SLC39A14: variants seen among roughly 807,000 people sequenced by gnomAD.
The protein encoded by SLC39A14 is metal cation symporter ZIP14.
Under a neutral mutation model 45.5 loss-of-function variants are expected in SLC39A14, and 19 were observed. The observed-to-expected ratio is 0.42, with a 90% confidence interval of 0.29 to 0.61. The LOEUF (loss-of-function observed/expected upper bound fraction) is 0.61, where lower values mean the gene tolerates loss of function less well. Ranked by LOEUF, SLC39A14 falls within the 20% of genes least tolerant of loss-of-function variation. The pLI is 0.22. For synonymous variants in SLC39A14, 264 were observed against 251.3 expected, an observed-to-expected ratio of 1.05 and a Z score of -0.48; for missense variants, 447 against 616.5, an observed-to-expected ratio of 0.73 and a Z score of 2.91.
Position 22,422,018 on chromosome 8 carries a change from C to A in SLC39A14, c.*2320C>A. On this transcript the variant is annotated 3_prime_UTR_variant, in exon 9 of 9. Coordinates refer to ENST00000381237, the MANE Select transcript of SLC39A14 (RefSeq NM_001128431.4). ...GACGCTCACATCGTCTGACTTGAGTCGCCACTGATTGTGGCAACAGCTTTG... is the reference window on the plus strand; with the variant it reads ...GACGCTCACATCGTCTGACTTGAGTAGCCACTGATTGTGGCAACAGCTTTG... The A allele has an allele frequency of 1.0e-6, 1 of 985,416 alleles. No individual in the cohort carries two copies. The highest frequency in any genetic ancestry group is 1.2e-6 in the Non-Finnish European group (1 of 829,906). The allele number at this position is 985,416 out of a possible 1,614,324, so 61.0% of individuals were successfully genotyped here. A position where few individuals can be genotyped will look rare whatever the true frequency, so the allele number is the denominator to read the frequency against.
chr8:22,410,180 C>T lies in SLC39A14; in HGVS notation c.457+1684C>T, dbSNP rs1044479230. On this transcript the variant is annotated intron_variant, in intron 3 of 8. Coordinates refer to ENST00000381237, the MANE Select transcript of SLC39A14 (RefSeq NM_001128431.4). ...GGCGGCACAGCTGAGCCAATCCCCT[C>T]CTCCCCTACCCTGGGCTCCAAGGCA... is the stretch of plus-strand genomic sequence containing the variant. The T allele has an allele frequency of 6.8e-5, 106 of 1,548,346 alleles. 1 individual carries two copies. The South Asian group carries it at 1.0e-3, about 15-fold the overall frequency.
At chr8:22,396,016 C>T (rs1834362119) in intron 1 of SLC39A14, among the ~76,000 whole-genome samples, 1 of 152,032 alleles carries the variant, frequency 6.6e-6, no homozygotes, top group Non-Finnish European at 1.5e-5. Flanking sequence ...GGATTTAGTC[C>T]CTGCAGTGTG....
downstream of SLC39A14, among the ~76,000 whole-genome samples, chr8:22,423,980 A>T (rs1345869112): frequency 6.8e-6 from 1 of 148,008 alleles, no homozygotes; most frequent in Non-Finnish European, 1.5e-5. Context: ...TAATTTTTTA[A>T]TTTTTTTTTT....
At chr8:22,403,778 C>T (rs185790264) in intron 1 of SLC39A14, among the ~76,000 whole-genome samples, 16 of 151,738 alleles carry the variant, frequency 1.1e-4, no homozygotes, top group African/African-American at 2.9e-4. Flanking sequence ...ATTAGCCAGG[C>T]GTGATGGCAA....
intron 1 of SLC39A14, among the ~76,000 whole-genome samples, chr8:22,368,901 T>C (rs1040728246): frequency 2.0e-5 from 3 of 152,156 alleles, no homozygotes; most frequent in Non-Finnish European, 4.4e-5. Context: ...CATCCTTGGA[T>C]GCATATCCCC....
chr8:22,392,493 G>A (rs562817704), intron 1 of SLC39A14, among the ~76,000 whole-genome samples: 4 of 152,202 alleles, frequency 2.6e-5, no homozygotes, highest in African/African-American at 4.8e-5. Context: ...TGGGGGTGAC[G>A]TAAGTGATGG....
intron 4 of SLC39A14, among the ~76,000 whole-genome samples, chr8:22,413,680 C>T (rs932131276): frequency 6.6e-6 from 1 of 152,122 alleles, no homozygotes; most frequent in Non-Finnish European, 1.5e-5. Flanking sequence ...AGGCCCGTTT[C>T]CCATCAGAAA....
In SLC39A14 at chr8:22,419,816, A is replaced by C; in HGVS notation, c.*118A>C. On this transcript the variant is annotated 3_prime_UTR_variant, in exon 9 of 9. Coordinates refer to ENST00000381237, the MANE Select transcript of SLC39A14 (RefSeq NM_001128431.4). ...AGGCCGTTCTATGAAAAACTGACAC[A>C]GACTGTATTCCTGCATTCAAATGTC... 7.0e-7 allele frequency: 1 copy of C among 1,437,422 alleles called. No homozygotes were observed. Among genetic ancestry groups the C allele is most frequent in the Non-Finnish European group, 9.1e-7 (1 of 1,098,854 alleles). 89.0% of individuals were successfully genotyped at this position (1,437,422 alleles called of 1,614,324 possible). A position where few individuals can be genotyped will look rare whatever the true frequency, so the allele number is the denominator to read the frequency against.
chr8:22,399,961 G>A (rs1426748191), intron 1 of SLC39A14, among the ~76,000 whole-genome samples: 1 of 152,236 alleles, frequency 6.6e-6, no homozygotes, highest in African/African-American at 2.4e-5. Flanking sequence ...AGTAGCCCCA[G>A]AGCACGAGCA....
chr8:22,384,550 C>G (rs181237058), intron 1 of SLC39A14, among the ~76,000 whole-genome samples: 29 of 151,562 alleles, frequency 1.9e-4, no homozygotes, highest in African/African-American at 6.5e-4. Flanking sequence ...GAGTTCGAGA[C>G]CAGCCTGGCC....
chr8:22,389,664 G>A (rs1011983520), intron 1 of SLC39A14, among the ~76,000 whole-genome samples: 5 of 152,104 alleles, frequency 3.3e-5, no homozygotes, highest in South Asian at 2.1e-4. Flanking sequence ...TCCCCTCCCC[G>A]GGGTGGCGAG....
chr8:22,415,428 G>C, intron 5 of SLC39A14: 1 of 238,634 alleles, frequency 4.2e-6, no homozygotes, highest in South Asian at 7.0e-5. Context: ...TTTGATATCT[G>C]TCTGACACCA....
At chr8:22,416,325 G>A (rs762579860) in intron 7 of SLC39A14, 45 bp downstream of exon 7, 2 of 1,544,938 alleles carry the variant, frequency 1.3e-6, no homozygotes, top group Non-Finnish European at 1.8e-6. Context: ...TTGGGTGGTG[G>A]TGTAGGCCCC....
At chr8:22,408,550 A>T in intron 3 of SLC39A14, 54 bp downstream of exon 3, 1 of 1,525,090 alleles carries the variant, frequency 6.6e-7, no homozygotes, top group Non-Finnish European at 8.9e-7. Context: ...CGCGTCTCAC[A>T]AGGACCCCTG....
At chr8:22,404,342 A>C (rs1235187290) in intron 1 of SLC39A14, among the ~76,000 whole-genome samples, 2 of 149,816 alleles carry the variant, frequency 1.3e-5, no homozygotes, top group Non-Finnish European at 3.0e-5. Context: ...CAGGAGAATC[A>C]CTTGAACCCA....
chr8:22,402,437 A>T (rs964506656), intron 1 of SLC39A14, among the ~76,000 whole-genome samples: 2 of 152,028 alleles, frequency 1.3e-5, no homozygotes, highest in Non-Finnish European at 2.9e-5. Context: ...ATGGTATCTT[A>T]TTCTATTGCT....
At chr8:22,415,692 C>T in intron 5 of SLC39A14, 77 bp from the exon 6 acceptor site, 2 of 1,409,472 alleles carry the variant, frequency 1.4e-6, no homozygotes, top group South Asian at 2.5e-5. Flanking sequence ...GTGTGAAGCA[C>T]TTCCTTGGAG....
intron 1 of SLC39A14, among the ~76,000 whole-genome samples, chr8:22,378,704 G>C (rs139049917): frequency 6.6e-6 from 1 of 152,290 alleles, no homozygotes; most frequent in East Asian, 1.9e-4. Context: ...GTCAACTGAT[G>C]TGGTCAGCAA....
At chr8:22,411,178 C>T (rs7814612) in intron 3 of SLC39A14, among the ~76,000 whole-genome samples, 1 of 152,048 alleles carries the variant, frequency 6.6e-6, no homozygotes, top group South Asian at 2.1e-4. Flanking sequence ...CTTGTGACCT[C>T]CTGGAATGGA....
Sources: gnomAD v4.1 joint callset for allele counts (sites outside exome capture counted in the v4.1 genomes callset) on GRCh38, gnomAD v4.1.1 for gene constraint, MANE v1.5 for transcripts, NCBI Gene and HGNC (gene_info 2026-07-23, HGNC 2026-07-21) for gene names.